The following PIK3AP1 variants were observed in gnomAD, a reference collection of about 807,000 sequenced individuals.
PIK3AP1 encodes the protein phosphoinositide 3-kinase adapter protein 1.
Under a neutral mutation model 88.1 loss-of-function variants are expected in PIK3AP1, and 21 were observed. That is an observed-to-expected ratio of 0.24 (90% CI 0.17 to 0.34). PIK3AP1 has a LOEUF of 0.34. Ranked by LOEUF, PIK3AP1 falls within the 10% of genes least tolerant of loss-of-function variation. PIK3AP1 has a pLI of 1.00. For missense variants in PIK3AP1, 828 were observed against 1,035.7 expected, an observed-to-expected ratio of 0.80 and a Z score of 2.75; for synonymous variants, 398 against 400.0, an observed-to-expected ratio of 1.00 and a Z score of 0.06.
intron 2 of PIK3AP1, among the ~76,000 whole-genome samples, chr10:96,693,075 G>A (rs1844175342): frequency 6.6e-6 from 1 of 152,192 alleles, no homozygotes; most frequent in Non-Finnish European, 1.5e-5. Context: ...GTTCTTCCAT[G>A]TGACAGGCCT....
intron 2 of PIK3AP1, among the ~76,000 whole-genome samples, chr10:96,685,322 C>A (rs946927944): frequency 6.6e-5 from 10 of 152,190 alleles, no homozygotes; most frequent in African/African-American, 2.2e-4. Flanking sequence ...ACCTCCAAAT[C>A]TCCCCCATCC....
At chr10:96,653,419 A>AC (rs1349753228) in intron 3 of PIK3AP1, among the ~76,000 whole-genome samples, 115 of 149,100 alleles carry the variant, frequency 7.7e-4, no homozygotes, top group African/African-American at 9.9e-4. Context: ...AAAAAAAAAA[A>AC]ACACACACAC....
chr10:96,682,630 C>A (rs961784147), intron 2 of PIK3AP1, among the ~76,000 whole-genome samples: 2 of 152,160 alleles, frequency 1.3e-5, no homozygotes, highest in Admixed American at 6.5e-5. Context: ...CTGCATGTGA[C>A]CCCGTCATTC....
intron 1 of PIK3AP1, among the ~76,000 whole-genome samples, chr10:96,714,198 A>C (rs1002539848): frequency 6.6e-6 from 1 of 152,086 alleles, no homozygotes; most frequent in Non-Finnish European, 1.5e-5. Flanking sequence ...ACTCCAAGTC[A>C]TCAAGGAAAG....
At chr10:96,690,097 G>A (rs1166591297) in intron 2 of PIK3AP1, among the ~76,000 whole-genome samples, 4 of 152,148 alleles carry the variant, frequency 2.6e-5, no homozygotes, top group Non-Finnish European at 5.9e-5. Flanking sequence ...AGTCCTTCAC[G>A]TGTTTGAAGG....
At chr10:96,673,503 C>CA (rs1324970681) in intron 2 of PIK3AP1, among the ~76,000 whole-genome samples, 1 of 152,174 alleles carries the variant, frequency 6.6e-6, no homozygotes, top group African/African-American at 2.4e-5. Flanking sequence ...CACAGCCCCC[C>CA]CCGAAAGGCT....
At chr10:96,713,725 G>C (rs879730614) in intron 1 of PIK3AP1, among the ~76,000 whole-genome samples, 2 of 152,064 alleles carry the variant, frequency 1.3e-5, no homozygotes, top group Non-Finnish European at 2.9e-5. Context: ...GAAGAATTTA[G>C]TGATCCAAAA....
At chr10:96,650,414 A>G (rs1457469344) in intron 6 of PIK3AP1, among the ~76,000 whole-genome samples, 1 of 152,192 alleles carries the variant, frequency 6.6e-6, no homozygotes, top group Non-Finnish European at 1.5e-5. Flanking sequence ...TCCCCGTGCA[A>G]GGGGTGTGAC....
intron 2 of PIK3AP1, among the ~76,000 whole-genome samples, chr10:96,692,732 C>T (rs1223548477): frequency 6.6e-6 from 1 of 152,164 alleles, no homozygotes; most frequent in Non-Finnish European, 1.5e-5. Flanking sequence ...AGGGGTATAG[C>T]TCAGTGGCAG....
intron 14 of PIK3AP1, among the ~76,000 whole-genome samples, chr10:96,606,721 T>G (rs1321158641): frequency 6.6e-6 from 1 of 152,246 alleles, no homozygotes; most frequent in African/African-American, 2.4e-5. Flanking sequence ...AACGCCATGC[T>G]ACTCTTGTAC....
chr10:96,704,450 G>T (rs1844337147), intron 2 of PIK3AP1, among the ~76,000 whole-genome samples: 1 of 152,198 alleles, frequency 6.6e-6, no homozygotes, highest in African/African-American at 2.4e-5. Flanking sequence ...GGGTGCGGTG[G>T]CTCACGCCTG....
At chr10:96,596,386 A>G (rs113094876) in intron 16 of PIK3AP1, among the ~76,000 whole-genome samples, 1 of 152,306 alleles carries the variant, frequency 6.6e-6, no homozygotes, top group African/African-American at 2.4e-5. Context: ...GTAGCCCCCT[A>G]TGGGTTGATG....
At chr10:96,718,250 T>C (rs1179862703) in intron 1 of PIK3AP1, among the ~76,000 whole-genome samples, 3 of 152,244 alleles carry the variant, frequency 2.0e-5, no homozygotes, top group Non-Finnish European at 4.4e-5. Flanking sequence ...TCTGTAAAGA[T>C]ACTAAAAACC....
chr10:96,600,864 G>C (rs1409620388), intron 16 of PIK3AP1, among the ~76,000 whole-genome samples: 6 of 152,144 alleles, frequency 3.9e-5, no homozygotes, highest in Admixed American at 3.3e-4. Flanking sequence ...ACAAGCCTTG[G>C]CTTTTATTCC....
chr10:96,658,700 T>A (rs545406687), intron 2 of PIK3AP1, among the ~76,000 whole-genome samples: 17 of 152,248 alleles, frequency 1.1e-4, no homozygotes, highest in Non-Finnish European at 1.9e-4. Context: ...CATGTACTCT[T>A]GCCACTATTC....
At chr10:96,691,250 C>T (rs2134274045) in intron 2 of PIK3AP1, among the ~76,000 whole-genome samples, 1 of 152,322 alleles carries the variant, frequency 6.6e-6, no homozygotes, top group African/African-American at 2.4e-5. Flanking sequence ...CTCCCGCAAA[C>T]AGCAACTCCA....
At chr10:96,629,930 A>AAAAAAAAGAAG (rs776780994) in intron 8 of PIK3AP1, among the ~76,000 whole-genome samples, 1,431 of 13,204 alleles carry the variant, frequency 0.11, 221 homozygotes, top group Non-Finnish European at 0.16. Context: ...AAAAAAAAAA[A>AAAAAAAAGAAG]AAGAAGAAGA....
chr10:96,687,500 T>G (rs1564984203), intron 2 of PIK3AP1, among the ~76,000 whole-genome samples: 1 of 152,152 alleles, frequency 6.6e-6, no homozygotes, highest in Non-Finnish European at 1.5e-5. Context: ...TCAGCACTCC[T>G]GAGAGTGAAT....
chr10:96,609,049 C>T (rs553797151), intron 14 of PIK3AP1, among the ~76,000 whole-genome samples: 4 of 152,302 alleles, frequency 2.6e-5, no homozygotes, highest in South Asian at 2.1e-4. Flanking sequence ...TGCAATCAGA[C>T]GACTATTGAA....
Sources: gnomAD v4.1 joint callset for allele counts (sites outside exome capture counted in the v4.1 genomes callset) on GRCh38, gnomAD v4.1.1 for gene constraint, MANE v1.5 for transcripts, NCBI Gene and HGNC (gene_info 2026-07-23, HGNC 2026-07-21) for gene names.